Variants in YME1L1 observed in about 807,000 individuals in gnomAD.
The protein encoded by YME1L1 is ATP-dependent zinc metalloprotease YME1L1.
Under a neutral mutation model 90.4 loss-of-function variants are expected in YME1L1, and 39 were observed. The observed-to-expected ratio is 0.43, with a 90% CI of 0.33 to 0.56. The LOEUF is 0.56. YME1L1 is among the 20% of genes least tolerant of loss of function. The probability of loss-of-function intolerance (pLI) is 0.03; values close to 1 mark genes in which losing one functional copy is unlikely to be tolerated. For synonymous variants in YME1L1, 284 were observed against 287.3 expected, an observed-to-expected ratio of 0.99 and a Z score of 0.12; for missense variants, 617 against 868.4, an observed-to-expected ratio of 0.71 and a Z score of 3.64.
chr10:27,133,940 A>C (rs2057000740), intron 7 of YME1L1, 99 bp downstream of exon 7: 1 of 857,042 alleles, frequency 1.2e-6, no homozygotes. Context: ...TACTGTAAAC[A>C]TTAATATGTT....
chr10:27,144,212 A>C (rs1172466584), intron 3 of YME1L1, among the ~76,000 whole-genome samples: 1 of 152,242 alleles, frequency 6.6e-6, no homozygotes, highest in East Asian at 1.9e-4. Flanking sequence ...TAACATAGTA[A>C]CAAAAAGAAT....
At chr10:27,123,486 G>A in intron 10 of YME1L1, 61 bp downstream of exon 10, 1 of 1,538,812 alleles carries the variant, frequency 6.5e-7, no homozygotes, top group Non-Finnish European at 8.8e-7. Context: ...CAAAGAAAGG[G>A]TAAGATACAC....
chr10:27,123,663 G>A lies in YME1L1; in HGVS notation c.986C>T (p.Thr329Ile). The change falls in exon 10 of 19, where the codon ACA (threonine) becomes ATA (isoleucine). Residue 329 changes from threonine (T) to isoleucine (I), a missense_variant. Physicochemically the swap from Thr to Ile is moderately conservative, Grantham distance 89 (BLOSUM62 -1). Coordinates refer to ENST00000376016, the MANE Select transcript of YME1L1 (RefSeq NM_014263.4). ...TCCCGCCACAGCTCGGGCAAGAAGT[G>A]TCTTTCCAGTCCCTGGGGGTCCAAC... The part of the protein sequence containing the change: ...LLVGPPGTGK[T>I]LLARAVAGEA... The A allele has an allele frequency of 6.2e-7, 1 of 1,613,494 alleles. No homozygotes were observed. Among genetic ancestry groups the A allele is most frequent in the Non-Finnish European group, 8.5e-7 (1 of 1,179,680 alleles).
chr10:27,122,445 T>C (rs780182826), intron 11 of YME1L1, among the ~76,000 whole-genome samples: 1 of 152,218 alleles, frequency 6.6e-6, no homozygotes, highest in Non-Finnish European at 1.5e-5. Context: ...ATTATGAACA[T>C]TGATGTAAGC....
At chr10:27,123,728 C>G in intron 9 of YME1L1, 29 bp from the exon 10 acceptor site, 2 of 1,565,664 alleles carry the variant, frequency 1.3e-6, no homozygotes, top group South Asian at 1.2e-5. Flanking sequence ...GAGAATGATT[C>G]AAAGTATTTT....
At chr10:27,123,004 G>A (rs747635309) in intron 10 of YME1L1, 31 bp from the exon 11 acceptor site, 2 of 1,596,432 alleles carry the variant, frequency 1.3e-6, no homozygotes, top group African/African-American at 1.4e-5. Flanking sequence ...CAAATAAGCT[G>A]AAAGAAAGTC....
chr10:27,150,434 C>T (rs77402880), intron 1 of YME1L1, among the ~76,000 whole-genome samples: 2 of 152,198 alleles, frequency 1.3e-5, no homozygotes, highest in African/African-American at 2.4e-5. Context: ...AGGCTGAGAC[C>T]TACTGGGTTG....
At chr10:27,143,221 T>G (rs2057107832) in intron 3 of YME1L1, among the ~76,000 whole-genome samples, 1 of 150,912 alleles carries the variant, frequency 6.6e-6, no homozygotes, top group Non-Finnish European at 1.5e-5. Context: ...AATACAAAAT[T>G]AGCCGGGTGT....
At chr10:27,122,777 A>T (rs989461731) in intron 11 of YME1L1, 64 bp downstream of exon 11, 1 of 1,594,986 alleles carries the variant, frequency 6.3e-7, no homozygotes, top group African/African-American at 1.3e-5. Context: ...CATAAGATCA[A>T]TTCTACGTAT....
intron 8 of YME1L1, among the ~76,000 whole-genome samples, chr10:27,129,571 T>C (rs553331919): frequency 6.6e-6 from 1 of 152,242 alleles, no homozygotes; most frequent in Non-Finnish European, 1.5e-5. Context: ...TGCGGAAGAA[T>C]TTCTTCTAAA....
In YME1L1 at chr10:27,112,025, G is replaced by C. The variant is rs759573916; in HGVS notation, c.2103C>G (p.Ala701=). 13 of 1,613,990 alleles carry C rather than the reference G, an allele frequency of 8.1e-6. No individual in the cohort carries two copies. Among genetic ancestry groups the C allele is most frequent in the Non-Finnish European group, 1.0e-5 (12 of 1,180,012 alleles). The change falls in exon 19 of 19, where the codon GCC becomes GCG. Residue 701 remains alanine (A), a synonymous_variant. Transcript: ENST00000376016. Reference sequence around the variant, plus strand: ...CCTCAAGAACAATTTGAATCTCTTTGGCATCCAAAGTCTCATAGGTCAATA... The same window carrying C: ...CCTCAAGAACAATTTGAATCTCTTTCGCATCCAAAGTCTCATAGGTCAATA... ...EALLTYETLD[A]KEIQIVLEGK...
rs1365833014 is a variant in YME1L1, at chr10:27,154,289, G to C, written c.-79C>G. 47 of 1,510,858 alleles carry C rather than the reference G, an allele frequency of 3.1e-5. No homozygotes were observed. Among genetic ancestry groups the C allele is most frequent in the Non-Finnish European group, 3.6e-5 (40 of 1,121,344 alleles). The allele number at this position is 1,510,858 out of a possible 1,614,324, so 93.6% of individuals were successfully genotyped here. On this transcript the variant is annotated 5_prime_UTR_variant, in exon 1 of 19. Transcript: ENST00000376016. ...CCACGGCCCGGCGGGGAGGCGCTGA[G>C]CCCTTCTTTTTTCCTTTTTCTCCGA...
chr10:27,152,080 T>C (rs1308210934), intron 1 of YME1L1, among the ~76,000 whole-genome samples: 1 of 152,096 alleles, frequency 6.6e-6, no homozygotes, highest in Admixed American at 6.5e-5. Flanking sequence ...TGTATCATTT[T>C]TAGAGTCAGA....
At chr10:27,115,946 T>G (rs2056808197) in intron 17 of YME1L1, 114 bp downstream of exon 17, 3 of 935,338 alleles carry the variant, frequency 3.2e-6, no homozygotes, top group Admixed American at 4.6e-5. Flanking sequence ...GAGCCTCAAA[T>G]CCATTTGGAG....
chr10:27,145,591 C>G lies in YME1L1; in HGVS notation c.169-1G>C. On this transcript the variant is annotated splice_acceptor_variant, in intron 2 of 18. Transcript: ENST00000376016. LOFTEE classifies it high-confidence loss of function. ...CAAGGTCCCTTAAGTTAAGTGAAGG[C>G]TGTAAAAGATTGGGTCAACCAGGTA... 1 of 1,610,876 alleles carries G rather than the reference C, an allele frequency of 6.2e-7. No individual in the cohort carries two copies. Among genetic ancestry groups the G allele is most frequent in the Non-Finnish European group, 8.5e-7 (1 of 1,178,046 alleles).
chr10:27,128,626 T>G (rs934123026), intron 8 of YME1L1, among the ~76,000 whole-genome samples: 1 of 151,620 alleles, frequency 6.6e-6, no homozygotes, highest in Non-Finnish European at 1.5e-5. Flanking sequence ...ATAAATCAGC[T>G]GGGCTTGGTG....
chr10:27,124,142 A>G (rs527790421), intron 9 of YME1L1, among the ~76,000 whole-genome samples: 126 of 152,206 alleles, frequency 8.3e-4, no homozygotes, highest in Non-Finnish European at 1.6e-3. Context: ...TTAAGGAAAT[A>G]GGCATAATTT....
At position 27,154,337 on chromosome 10, in the gene YME1L1, A is replaced by G; in HGVS notation, c.-127T>C. 8.5e-7 allele frequency: 1 copy of G among 1,178,768 alleles called. No individual in the cohort carries two copies. The highest frequency in any genetic ancestry group is 1.2e-6 in the Non-Finnish European group (1 of 842,212). 73.0% of individuals were successfully genotyped at this position (1,178,768 alleles called of 1,614,324 possible). A position where few individuals can be genotyped will look rare whatever the true frequency, so the allele number is the denominator to read the frequency against. Reference sequence around the variant, plus strand: ...CGACCCGTTGCCCCTCACTCCTCCCAGAAACGGAAAATGGCCTCCCCTTCC... The same window carrying G: ...CGACCCGTTGCCCCTCACTCCTCCCGGAAACGGAAAATGGCCTCCCCTTCC... On this transcript the variant is annotated 5_prime_UTR_variant, in exon 1 of 19. Coordinates refer to ENST00000376016, the MANE Select transcript of YME1L1 (RefSeq NM_014263.4).
intron 3 of YME1L1, among the ~76,000 whole-genome samples, chr10:27,142,969 G>A (rs953585773): frequency 4.6e-5 from 7 of 151,976 alleles, no homozygotes; most frequent in Admixed American, 4.6e-4. Context: ...TGCCCACCTC[G>A]GCCTCCCAAA....
Sources: gnomAD v4.1 joint callset for allele counts (sites outside exome capture counted in the v4.1 genomes callset) on GRCh38, gnomAD v4.1.1 for gene constraint, MANE v1.5 for transcripts, NCBI Gene and HGNC (gene_info 2026-07-23, HGNC 2026-07-21) for gene names.